Variants in GBE1 observed in about 807,000 individuals in gnomAD.
GBE1 encodes 1,4-alpha-glucan-branching enzyme.
GBE1 carries 70 observed loss-of-function variants against 88.8 expected under a neutral mutation model. The ratio of observed to expected loss-of-function variants is 0.79; its 90% CI spans 0.65 to 0.96. The LOEUF is 0.96. Ranked by LOEUF, GBE1 falls within the 40% of genes least tolerant of loss-of-function variation. GBE1 has a pLI of 0.00. For missense variants in GBE1, 872 were observed against 871.0 expected (o/e 1.00, Z -0.01); for synonymous variants, 284 against 300.1 (o/e 0.95, Z 0.56).
chr3:81,579,082 T>C (rs1703687000), intron 11 of GBE1, among the ~76,000 whole-genome samples: 1 of 151,982 alleles, frequency 6.6e-6, no homozygotes, highest in South Asian at 2.1e-4. Flanking sequence ...TATAAAATTA[T>C]TTTAATAACT....
intron 14 of GBE1, among the ~76,000 whole-genome samples, chr3:81,511,965 T>C (rs540778911): frequency 3.3e-5 from 5 of 151,814 alleles, no homozygotes; most frequent in African/African-American, 9.7e-5. Flanking sequence ...GAATGGTGGA[T>C]TGGATAAAGA....
At chr3:81,700,515 C>A (rs748561107) in intron 2 of GBE1, among the ~76,000 whole-genome samples, 10 of 152,066 alleles carry the variant, frequency 6.6e-5, no homozygotes, top group Non-Finnish European at 1.5e-4. Flanking sequence ...ATGACCCTGC[C>A]AAATTGCTAT....
chr3:81,602,919 G>A (rs767320809), intron 7 of GBE1, among the ~76,000 whole-genome samples: 3 of 152,078 alleles, frequency 2.0e-5, no homozygotes, highest in Non-Finnish European at 2.9e-5. Context: ...TACTCCTTCT[G>A]CACCAAATCT....
At chr3:81,533,243 T>C (rs1257700593) in intron 14 of GBE1, among the ~76,000 whole-genome samples, 1 of 152,110 alleles carries the variant, frequency 6.6e-6, no homozygotes, top group Non-Finnish European at 1.5e-5. Flanking sequence ...CACAAATTGC[T>C]ACATGTCTAG....
At chr3:81,624,875 T>C (rs935510113) in intron 7 of GBE1, among the ~76,000 whole-genome samples, 2 of 152,180 alleles carry the variant, frequency 1.3e-5, no homozygotes, top group Non-Finnish European at 2.9e-5. Context: ...GCTACGTTTA[T>C]GCTCAAATAG....
chr3:81,740,807 A>C (rs1315309387), intron 1 of GBE1, among the ~76,000 whole-genome samples: 1 of 147,090 alleles, frequency 6.8e-6, no homozygotes, highest in Non-Finnish European at 1.5e-5. Flanking sequence ...TTAAAATCAA[A>C]TTTTGTCTAA....
At chr3:81,585,184 T>C (rs766446934) in intron 10 of GBE1, among the ~76,000 whole-genome samples, 6 of 152,122 alleles carry the variant, frequency 3.9e-5, no homozygotes, top group Non-Finnish European at 4.4e-5. Flanking sequence ...GAAGTTATGT[T>C]GGTCCAAGTT....
chr3:81,761,254 A>T, intron 1 of GBE1, 121 bp downstream of exon 1: 1 of 1,316,270 alleles, frequency 7.6e-7, no homozygotes, highest in Non-Finnish European at 1.0e-6. Flanking sequence ...CCGCCCACTC[A>T]GGTTCCTCCC....
At chr3:81,646,598 T>C (rs1704767539) in intron 5 of GBE1, 116 bp from the exon 6 acceptor site, 2 of 632,152 alleles carry the variant, frequency 3.2e-6, no homozygotes, top group East Asian at 3.0e-5. Context: ...CTAGAAGCTT[T>C]GGTCGTCTTG....
chr3:81,512,896 C>T (rs369205390), intron 14 of GBE1, among the ~76,000 whole-genome samples: 12 of 151,506 alleles, frequency 7.9e-5, no homozygotes, highest in South Asian at 2.1e-4. Context: ...ATGATTCATA[C>T]GACTAATTAA....
At chr3:81,570,614 T>G (rs1703561222) in intron 12 of GBE1, among the ~76,000 whole-genome samples, 1 of 152,204 alleles carries the variant, frequency 6.6e-6, no homozygotes, top group African/African-American at 2.4e-5. Context: ...ACTGGTGTAA[T>G]TGTAACTTAG....
chr3:81,508,389 TA>T (rs1272677472), intron 14 of GBE1, among the ~76,000 whole-genome samples: 3 of 152,160 alleles, frequency 2.0e-5, no homozygotes, highest in Non-Finnish European at 4.4e-5. Context: ...TCTGTGCCTT[TA>T]GGATTATCCA....
intron 13 of GBE1, among the ~76,000 whole-genome samples, chr3:81,536,363 A>C (rs940467889): frequency 1.3e-5 from 2 of 151,990 alleles, no homozygotes; most frequent in African/African-American, 4.8e-5. Flanking sequence ...TTCACTTGTT[A>C]ATTACATTTT....
intron 12 of GBE1, among the ~76,000 whole-genome samples, chr3:81,563,422 C>T (rs866534787): frequency 1.3e-4 from 20 of 152,216 alleles, no homozygotes; most frequent in Middle Eastern, 6.8e-3. Flanking sequence ...TAGGGCTATT[C>T]ATTTGTTTGC....
At chr3:81,507,935 C>A (rs944816323) in intron 14 of GBE1, among the ~76,000 whole-genome samples, 1 of 152,122 alleles carries the variant, frequency 6.6e-6, no homozygotes, top group Non-Finnish European at 1.5e-5. Context: ...AAACTCCAAT[C>A]CCTGCAAGTA....
At chr3:81,662,447 TG>T (rs1481245362) in intron 3 of GBE1, among the ~76,000 whole-genome samples, 1 of 152,140 alleles carries the variant, frequency 6.6e-6, no homozygotes, top group Non-Finnish European at 1.5e-5. Context: ...TATCCATCGG[TG>T]GTCCTGAGCA....
chr3:81,754,705 G>T (rs1273707570), intron 1 of GBE1, among the ~76,000 whole-genome samples: 1 of 152,060 alleles, frequency 6.6e-6, no homozygotes, highest in East Asian at 1.9e-4. Flanking sequence ...CAACAAAGGT[G>T]CCAAGAACTT....
chr3:81,510,549 C>T (rs555684959), intron 14 of GBE1, among the ~76,000 whole-genome samples: 5 of 152,098 alleles, frequency 3.3e-5, no homozygotes, highest in African/African-American at 1.2e-4. Flanking sequence ...GGGCACATAG[C>T]CCATAACTAC....
chr3:81,505,717 G>T (rs1031883006), intron 14 of GBE1, among the ~76,000 whole-genome samples: 12 of 152,080 alleles, frequency 7.9e-5, no homozygotes, highest in Non-Finnish European at 1.8e-4. Flanking sequence ...GTCTGTTAGT[G>T]TGTGGTGGAG....
Sources: gnomAD v4.1 joint callset for allele counts (sites outside exome capture counted in the v4.1 genomes callset) on GRCh38, gnomAD v4.1.1 for gene constraint, MANE v1.5 for transcripts, NCBI Gene and HGNC (gene_info 2026-07-23, HGNC 2026-07-21) for gene names.